GRM1: variants seen among roughly 807,000 people sequenced by gnomAD.
GRM1 encodes the protein metabotropic glutamate receptor 1.
A neutral mutation model predicts 90.9 loss-of-function variants in GRM1; 33 were observed. That is an observed-to-expected ratio of 0.36 (90% CI 0.28 to 0.49). The LOEUF (loss-of-function observed/expected upper bound fraction) is 0.49. Ranked by LOEUF, GRM1 falls within the 20% of genes least tolerant of loss-of-function variation. The pLI, the probability that GRM1 is intolerant of heterozygous loss-of-function variation, is 0.99. For synonymous variants in GRM1, 700 were observed against 613.2 expected (o/e 1.14, Z -2.09); for missense variants, 1,190 against 1,534.3 (o/e 0.78, Z 3.75).
At chr6:146,331,740 G>C (rs1392567679) in intron 3 of GRM1, among the ~76,000 whole-genome samples, 1 of 152,108 alleles carries the variant, frequency 6.6e-6, no homozygotes, top group African/African-American at 2.4e-5. Flanking sequence ...AGTACAAACA[G>C]ATGCTAGTTT....
intron 7 of GRM1, among the ~76,000 whole-genome samples, chr6:146,409,387 C>T (rs1228932844): frequency 1.3e-5 from 2 of 152,116 alleles, no homozygotes; most frequent in African/African-American, 4.8e-5. Flanking sequence ...AAGAAAACTC[C>T]ATGGCTCTGT....
In GRM1 at chr6:146,159,373, C is replaced by A. The variant is rs766706282; in HGVS notation, c.726C>A (p.Asp242Glu). Residue 242 changes from aspartate (D) to glutamate (E), a missense_variant, in exon 2 of 8, where the codon GAC becomes GAA. Coordinates refer to ENST00000282753, the MANE Select transcript of GRM1 (RefSeq NM_001278064.2). ...TEGNYGESGM[D>E]AFKELAAQEG... ...GGAATTATGGGGAGAGCGGAATGGACGCTTTCAAAGAGCTGGCTGCCCAGG... is the reference window on the plus strand; with the variant it reads ...GGAATTATGGGGAGAGCGGAATGGAAGCTTTCAAAGAGCTGGCTGCCCAGG... 1 of 1,613,804 alleles carries A rather than the reference C, an allele frequency of 6.2e-7. No homozygotes were observed. The highest frequency in any genetic ancestry group is 1.3e-5 in the African/African-American group (1 of 74,904).
At chr6:146,171,684 A>G in intron 2 of GRM1, 1 of 292,730 alleles carries the variant, frequency 3.4e-6, no homozygotes, top group Non-Finnish European at 7.1e-6. Context: ...CAACAACTAG[A>G]GGAGGACATG....
At position 146,030,169 on chromosome 6, in the gene GRM1, A is replaced by G. The variant is rs776459836; in HGVS notation, c.652A>G (p.Ile218Val). 4.3e-6 allele frequency: 7 copies of G among 1,613,910 alleles called. No homozygotes were observed. The East Asian group carries it at 1.1e-4, about 26-fold the overall frequency. Residue 218 changes from isoleucine (I) to valine (V), a missense_variant, in exon 1 of 8, where the codon ATA (isoleucine) becomes GTA (valine). Coordinates refer to ENST00000282753, the MANE Select transcript of GRM1 (RefSeq NM_001278064.2). ...TTTGCAGGCAAGGGCCATGCTTGAC[A>G]TAGTCAAACGTTACAATTGGACCTA... is the stretch of plus-strand genomic sequence containing the variant. ...DTLQARAMLD[I>V]VKRYNWTYVS... is the part of the protein sequence containing the mutation.
intron 1 of GRM1, among the ~76,000 whole-genome samples, chr6:146,121,921 G>A (rs1776003458): frequency 6.6e-6 from 1 of 152,202 alleles, no homozygotes; most frequent in Admixed American, 6.5e-5. Context: ...GATTTGGGGT[G>A]AAGAGTTCTG....
At chr6:146,212,091 C>T (rs1348412711) in intron 2 of GRM1, among the ~76,000 whole-genome samples, 1 of 152,188 alleles carries the variant, frequency 6.6e-6, no homozygotes, top group Non-Finnish European at 1.5e-5. Flanking sequence ...TCTACTTTAA[C>T]ATGTATTAAC....
In GRM1 at chr6:146,434,703, C is replaced by T. The variant is rs1378417444; in HGVS notation, c.3492C>T (p.Ser1164=). The change falls in exon 8 of 8, where the codon TCC becomes TCT. Residue 1164 remains serine (S), a synonymous_variant. Coordinates refer to ENST00000282753, the MANE Select transcript of GRM1 (RefSeq NM_001278064.2). ...CCTCGGGCAGCTCGGTGCCCAGCTC[C>T]CCCGTGTCCGAGTCGGTGCTCTGCA... The part of the protein sequence containing the change: ...SVASGSSVPS[S]PVSESVLCTP... 1.9e-6 allele frequency: 3 copies of T among 1,604,248 alleles called. No homozygotes were observed. The highest frequency in any genetic ancestry group is 2.5e-6 in the Non-Finnish European group (3 of 1,179,974).
chr6:146,433,225 T>A (rs940447182), intron 7 of GRM1, among the ~76,000 whole-genome samples: 6 of 152,194 alleles, frequency 3.9e-5, no homozygotes, highest in African/African-American at 1.2e-4. Context: ...TGAAATGTTT[T>A]AAAAAAATCA....
At chr6:146,032,341 T>C (rs975374788) in intron 1 of GRM1, among the ~76,000 whole-genome samples, 2 of 152,216 alleles carry the variant, frequency 1.3e-5, no homozygotes, top group Admixed American at 6.5e-5. Context: ...TCATATATAA[T>C]ACCTTGTTTC....
chr6:146,206,972 A>T (rs1359464079), intron 2 of GRM1, among the ~76,000 whole-genome samples: 1 of 152,196 alleles, frequency 6.6e-6, no homozygotes, highest in Non-Finnish European at 1.5e-5. Flanking sequence ...GTTCCCACAA[A>T]AGACATGATC....
At chr6:146,275,484 C>A (rs1021389925) in intron 2 of GRM1, among the ~76,000 whole-genome samples, 2 of 151,920 alleles carry the variant, frequency 1.3e-5, no homozygotes, top group African/African-American at 2.4e-5. Context: ...TAGTTTCCCC[C>A]CACCCGGTGC....
At chr6:146,085,988 C>T (rs1247959917) in intron 1 of GRM1, among the ~76,000 whole-genome samples, 1 of 151,910 alleles carries the variant, frequency 6.6e-6, no homozygotes, top group Non-Finnish European at 1.5e-5. Flanking sequence ...CTCTATGTGA[C>T]GGGGATATAG....
At chr6:146,133,828 A>T (rs561679714) in intron 1 of GRM1, among the ~76,000 whole-genome samples, 1 of 152,182 alleles carries the variant, frequency 6.6e-6, no homozygotes, top group Non-Finnish European at 1.5e-5. Context: ...GCACGTTAGG[A>T]TATCAGGGCT....
chr6:146,167,012 G>C (rs1256805002), intron 2 of GRM1, among the ~76,000 whole-genome samples: 2 of 152,140 alleles, frequency 1.3e-5, no homozygotes, highest in Non-Finnish European at 2.9e-5. Context: ...AAGCAATCAT[G>C]ATGTAGAATG....
chr6:146,105,085 T>C (rs1019440913), intron 1 of GRM1, among the ~76,000 whole-genome samples: 2 of 152,214 alleles, frequency 1.3e-5, no homozygotes, highest in African/African-American at 4.8e-5. Flanking sequence ...TTTTGTAAAG[T>C]TTTCTGTGAT....
At chr6:146,298,280 T>C (rs1783256123) in intron 2 of GRM1, among the ~76,000 whole-genome samples, 1 of 152,164 alleles carries the variant, frequency 6.6e-6, no homozygotes, top group South Asian at 2.1e-4. Context: ...TTTTTCTCTC[T>C]TTTTTACAGA....
intron 2 of GRM1, among the ~76,000 whole-genome samples, chr6:146,285,656 C>T (rs972628898): frequency 2.0e-5 from 3 of 152,244 alleles, no homozygotes; most frequent in East Asian, 1.9e-4. Context: ...TGGTGACCTC[C>T]GTTGATTGCA....
intron 1 of GRM1, among the ~76,000 whole-genome samples, chr6:146,143,888 A>T (rs1163585608): frequency 6.6e-6 from 1 of 152,194 alleles, no homozygotes; most frequent in Non-Finnish European, 1.5e-5. Flanking sequence ...CTGTATTTTG[A>T]ACATGAATAA....
At chr6:146,300,827 C>T (rs1038470798) in intron 2 of GRM1, among the ~76,000 whole-genome samples, 46 of 152,168 alleles carry the variant, frequency 3.0e-4, no homozygotes, top group African/African-American at 1.1e-3. Flanking sequence ...CCTGCCACCA[C>T]CATCTAAGAA....
Sources: allele counts gnomAD v4.1 joint callset (sites outside exome capture counted in the v4.1 genomes callset), GRCh38; gene constraint gnomAD v4.1.1; transcripts MANE v1.5; gene names NCBI Gene and HGNC (gene_info 2026-07-23, HGNC 2026-07-21).